MAP1LC3B2: variants seen among roughly 807,000 people sequenced by gnomAD.
MAP1LC3B2 encodes microtubule associated protein 1 light chain 3 beta 2, also known as microtubule-associated protein 1 light chain 3 beta 2.
For missense variants in MAP1LC3B2, 155 were observed against 154.6 expected (o/e 1.00, Z -0.01); for synonymous variants, 62 against 57.8 (o/e 1.07, Z -0.33).
At chr12:116,560,751 A>G (rs1489679152) in intron 1 of MAP1LC3B2, among the ~76,000 whole-genome samples, 3 of 152,014 alleles carry the variant, frequency 2.0e-5, no homozygotes, top group Non-Finnish European at 4.4e-5. Flanking sequence ...ATCCAATGAC[A>G]GGTATCCTTA....
chr12:116,572,827 T>A (rs1179131910), intron 1 of MAP1LC3B2, among the ~76,000 whole-genome samples: 4 of 152,154 alleles, frequency 2.6e-5, no homozygotes, highest in Non-Finnish European at 5.9e-5. Flanking sequence ...CAAACTAAGT[T>A]CCCCAGAACA....
At position 116,576,231 on chromosome 12, in the gene MAP1LC3B2, G is replaced by T. The variant is rs757632545; in HGVS notation, c.289G>T (p.Glu97Ter). The T allele has an allele frequency of 6.2e-7, 1 of 1,614,104 alleles. No individual in the cohort carries two copies. Among genetic ancestry groups the T allele is most frequent in the South Asian group, 1.1e-5 (1 of 91,076 alleles). The change falls in exon 2 of 2, where the codon GAG becomes TAG. Residue 97 changes from glutamate (E) to a stop codon, truncating the protein, a stop_gained. Coordinates refer to ENST00000556529, the MANE Select transcript of MAP1LC3B2 (RefSeq NM_001085481.3). LOFTEE classifies it low-confidence loss of function (END_TRUNC). ...SMVSVSTPIS[E>*]VYESEKDEDG... The stretch of plus-strand genomic sequence containing the variant: ...GGTCAGCGTCTCCACACCAATCTCA[G>T]AGGTGTATGAGAGTGAGAAAGATGA...
chr12:116,563,953 C>G (rs1453044835), intron 1 of MAP1LC3B2, among the ~76,000 whole-genome samples: 1 of 151,974 alleles, frequency 6.6e-6, no homozygotes, highest in Non-Finnish European at 1.5e-5. Flanking sequence ...CTGTGTTGCC[C>G]AGGCTGGCCC....
chr12:116,576,251 A>G lies in MAP1LC3B2; in HGVS notation c.309A>G (p.Lys103=), dbSNP rs1422553429. The G allele has an allele frequency of 4.5e-5, 72 of 1,614,070 alleles. No individual in the cohort carries two copies. Among genetic ancestry groups the G allele is most frequent in the Non-Finnish European group, 5.8e-5 (69 of 1,180,022 alleles). Reference sequence around the variant, plus strand: ...TCTCAGAGGTGTATGAGAGTGAGAAAGATGAAGATGGATTCCTGTACATGG... The same window carrying G: ...TCTCAGAGGTGTATGAGAGTGAGAAGGATGAAGATGGATTCCTGTACATGG... The part of the protein sequence containing the change: ...TPISEVYESE[K]DEDGFLYMVC... Residue 103 remains lysine, a synonymous_variant, in exon 2 of 2, where the codon AAA becomes AAG. Coordinates refer to ENST00000556529, the MANE Select transcript of MAP1LC3B2 (RefSeq NM_001085481.3).
At chr12:116,563,605 A>C (rs974332508) in intron 1 of MAP1LC3B2, among the ~76,000 whole-genome samples, 1 of 152,122 alleles carries the variant, frequency 6.6e-6, no homozygotes, top group African/African-American at 2.4e-5. Flanking sequence ...CTTTGTGTTT[A>C]TCTTGCCTGG....
chr12:116,568,961 G>A (rs997888946), intron 1 of MAP1LC3B2, among the ~76,000 whole-genome samples: 16 of 150,412 alleles, frequency 1.1e-4, no homozygotes, highest in Non-Finnish European at 1.5e-4. Context: ...CTGGGTTCAC[G>A]CCATTCTCCT....
In MAP1LC3B2 at chr12:116,576,591, TA is replaced by T. The variant is rs35360861; in HGVS notation, c.*286del. The stretch of plus-strand genomic sequence containing the variant: ...TTTAAAAATAAAATACTTTGCATTC[TA>T]AAAAAAAAAAAAAATTGCCTTACAC... On this transcript the variant is annotated 3_prime_UTR_variant, in exon 2 of 2. Coordinates refer to ENST00000556529, the MANE Select transcript of MAP1LC3B2 (RefSeq NM_001085481.3). 0.066 allele frequency: 17,231 copies of T among 261,852 alleles called. 464 individuals are homozygous for T. Among genetic ancestry groups the T allele is most frequent in the African/African-American group, 0.16 (6,597 of 42,158 alleles). The allele number at this position is 261,852 out of a possible 1,614,324, so 16.2% of individuals were successfully genotyped here.
intron 1 of MAP1LC3B2, among the ~76,000 whole-genome samples, chr12:116,566,629 A>AAAAC (rs1869392529): frequency 7.0e-6 from 1 of 143,804 alleles, no homozygotes; most frequent in Non-Finnish European, 1.5e-5. Flanking sequence ...AAAAAAAAAA[A>AAAAC]AAAAAAAAAA....
At chr12:116,572,407 C>G (rs983417936) in intron 1 of MAP1LC3B2, among the ~76,000 whole-genome samples, 1 of 146,674 alleles carries the variant, frequency 6.8e-6, no homozygotes, top group African/African-American at 2.5e-5. Context: ...CTCTGTCGCC[C>G]AGGCTGGAGT....
intron 1 of MAP1LC3B2, among the ~76,000 whole-genome samples, chr12:116,560,768 G>A (rs1429617035): frequency 6.6e-6 from 1 of 151,412 alleles, no homozygotes; most frequent in Non-Finnish European, 1.5e-5. Context: ...CTTATAAAAG[G>A]AAGGCAGATC....
intron 1 of MAP1LC3B2, among the ~76,000 whole-genome samples, chr12:116,562,026 CAG>C (rs1869285226): frequency 6.6e-5 from 6 of 91,298 alleles, no homozygotes; most frequent in Non-Finnish European, 1.5e-4. Context: ...CCTGACCAGT[CAG>C]ACTCAGCTCA....
intron 1 of MAP1LC3B2, among the ~76,000 whole-genome samples, chr12:116,563,533 A>G (rs904890221): frequency 6.6e-6 from 1 of 152,052 alleles, no homozygotes; most frequent in Admixed American, 6.6e-5. Context: ...GCTGCTTTTA[A>G]GATTTTGGTC....
intron 1 of MAP1LC3B2, among the ~76,000 whole-genome samples, chr12:116,560,946 A>G (rs1185525414): frequency 6.6e-6 from 1 of 152,068 alleles, no homozygotes; most frequent in African/African-American, 2.4e-5. Flanking sequence ...GCTTAACCCC[A>G]TCTCTACTAA....
intron 1 of MAP1LC3B2, among the ~76,000 whole-genome samples, chr12:116,561,572 C>A (rs1566022852): frequency 6.6e-6 from 1 of 152,178 alleles, no homozygotes. Flanking sequence ...GCCTTGAGGA[C>A]TCCCGAGACT....
intron 1 of MAP1LC3B2, among the ~76,000 whole-genome samples, chr12:116,563,606 T>A (rs1037481297): frequency 3.9e-5 from 6 of 152,222 alleles, no homozygotes; most frequent in Non-Finnish European, 8.8e-5. Context: ...TTTGTGTTTA[T>A]CTTGCCTGGG....
At chr12:116,570,011 G>C (rs1002398521) in intron 1 of MAP1LC3B2, among the ~76,000 whole-genome samples, 1 of 151,986 alleles carries the variant, frequency 6.6e-6, no homozygotes, top group African/African-American at 2.4e-5. Context: ...CCGAGATCGC[G>C]CCACTGCACT....
At chr12:116,572,233 T>C (rs1869555721) in intron 1 of MAP1LC3B2, among the ~76,000 whole-genome samples, 1 of 152,208 alleles carries the variant, frequency 6.6e-6, no homozygotes, top group Admixed American at 6.5e-5. Flanking sequence ...CGTCTATTTG[T>C]TTTGGTATTG....
intron 1 of MAP1LC3B2, among the ~76,000 whole-genome samples, chr12:116,563,015 G>A (rs1009224478): frequency 6.6e-6 from 1 of 152,148 alleles, no homozygotes; most frequent in East Asian, 1.9e-4. Context: ...AGGCTAGAGT[G>A]CAATGGCGCG....
intron 1 of MAP1LC3B2, among the ~76,000 whole-genome samples, chr12:116,560,818 G>GT (rs1381501673): frequency 5.1e-5 from 4 of 79,082 alleles, no homozygotes; most frequent in African/African-American, 1.6e-4. Flanking sequence ...TCTACAAATA[G>GT]TTTAAAAAAA....
Sources: gnomAD v4.1 joint callset for allele counts (sites outside exome capture counted in the v4.1 genomes callset) on GRCh38, gnomAD v4.1.1 for gene constraint, MANE v1.5 for transcripts, NCBI Gene and HGNC (gene_info 2026-07-23, HGNC 2026-07-21) for gene names.